The following CREBBP variants were observed in gnomAD, a reference collection of about 807,000 sequenced individuals.
CREBBP encodes the protein CREB binding lysine acetyltransferase.
In CREBBP, 19 loss-of-function variants were observed where a neutral mutation model predicts 265.0. The observed-to-expected ratio is 0.07, with a 90% CI of 0.05 to 0.11. The LOEUF (loss-of-function observed/expected upper bound fraction) is 0.11. Among genes scored for constraint, CREBBP ranks in the 10% least tolerant of loss-of-function variants. The pLI, the probability that CREBBP is intolerant of heterozygous loss-of-function variation, is 1.00. For synonymous variants in CREBBP, 1,457 were observed against 1,223.7 expected, an observed-to-expected ratio of 1.19 and a Z score of -3.98; for missense variants, 2,525 against 3,219.0, an observed-to-expected ratio of 0.78 and a Z score of 5.22.
chr16:3,810,572 G>A (rs928179865), intron 3 of CREBBP, 31 bp downstream of exon 3: 1 of 1,611,304 alleles, frequency 6.2e-7, no homozygotes, highest in Non-Finnish European at 8.5e-7. Context: ...CCACCGGAGA[G>A]CCATAACACT....
chr16:3,845,715 G>T (rs150845638), intron 2 of CREBBP, among the ~76,000 whole-genome samples: 1 of 151,544 alleles, frequency 6.6e-6, no homozygotes, highest in Non-Finnish European at 1.5e-5. Flanking sequence ...GCAAAACCCC[G>T]TCTCCACAAA....
chr16:3,746,558 T>C (rs773710956), intron 21 of CREBBP, among the ~76,000 whole-genome samples: 8 of 152,244 alleles, frequency 5.3e-5, no homozygotes, highest in East Asian at 3.9e-4. Context: ...ATTTCAAAGG[T>C]TGGGGCCAAG....
intron 2 of CREBBP, among the ~76,000 whole-genome samples, chr16:3,849,297 CCAGTTCCTACTCTAGAAGG>C (rs2054734220): frequency 6.6e-6 from 1 of 152,016 alleles, no homozygotes; most frequent in Admixed American, 6.6e-5. Context: ...TTCTCCAAGT[CCAGTTCCTACTCTAGAAGG>C]CAGCTGCAAG....
At position 3,880,122 on chromosome 16, in the gene CREBBP, G is replaced by A. The variant is rs2055499843; in HGVS notation, c.-206C>T. 2.2e-5 allele frequency: 4 copies of A among 181,458 alleles called. No individual in the cohort carries two copies. In the East Asian group the frequency reaches 4.1e-4, roughly 19 times the overall value. 11.2% of individuals were successfully genotyped at this position (181,458 alleles called of 1,614,324 possible). A position where few individuals can be genotyped will look rare whatever the true frequency, so the allele number is the denominator to read the frequency against. ...AGCCACAGCAACAGCGCCCCGCAGC[G>A]CTCACCGCCCGCCCCCGGCCGCCGC... On this transcript the variant is annotated 5_prime_UTR_variant, in exon 1 of 31. Coordinates refer to ENST00000262367, the MANE Select transcript of CREBBP (RefSeq NM_004380.3).
chr16:3,780,032 A>T (rs911082575), intron 8 of CREBBP, among the ~76,000 whole-genome samples: 17 of 152,106 alleles, frequency 1.1e-4, no homozygotes, highest in African/African-American at 4.1e-4. Context: ...ACTTGAGGTC[A>T]GGAGTTTGAG....
intron 1 of CREBBP, among the ~76,000 whole-genome samples, chr16:3,861,224 G>A (rs535676223): frequency 3.3e-5 from 5 of 152,234 alleles, no homozygotes; most frequent in South Asian, 2.1e-4. Flanking sequence ...AGCCGAGATC[G>A]CGCCATTGCA....
chr16:3,879,891 G>T lies in CREBBP; in HGVS notation c.26C>A (p.Pro9Gln). The T allele has an allele frequency of 6.2e-7, 1 of 1,612,636 alleles. No homozygotes were observed. Among genetic ancestry groups the T allele is most frequent in the Non-Finnish European group, 8.5e-7 (1 of 1,179,332 alleles). The change falls in exon 1 of 31, where the codon CCG becomes CAG. Residue 9 changes from proline (P) to glutamine (Q), a missense_variant. Coordinates refer to ENST00000262367, the MANE Select transcript of CREBBP (RefSeq NM_004380.3). MAENLLDGPPNPKRAKLSS... is the reference protein window; with the variant it reads MAENLLDGQPNPKRAKLSS... The stretch of plus-strand genomic sequence containing the variant: ...GAGTTTGGCTCTTTTGGGGTTGGGC[G>T]GTCCGTCCAGCAAGTTCTCAGCCAT...
intron 12 of CREBBP, 123 bp from the exon 13 acceptor site, chr16:3,774,053 C>T: frequency 9.4e-7 from 1 of 1,066,518 alleles, no homozygotes; most frequent in South Asian, 1.3e-5. Context: ...GGCTCACATC[C>T]TGCCCTTCCT....
chr16:3,777,151 C>T (rs1035069115), intron 11 of CREBBP, among the ~76,000 whole-genome samples: 8 of 151,828 alleles, frequency 5.3e-5, no homozygotes, highest in Non-Finnish European at 7.4e-5. Flanking sequence ...CTGGCTAACA[C>T]GGTGAAACCC....
intron 5 of CREBBP, among the ~76,000 whole-genome samples, chr16:3,790,124 A>G (rs909850682): frequency 2.0e-5 from 3 of 152,166 alleles, no homozygotes; most frequent in Admixed American, 2.0e-4. Context: ...AGAGCCTATT[A>G]CTGAAATGTG....
chr16:3,766,433 ATTTT>A (rs913901150), intron 16 of CREBBP, among the ~76,000 whole-genome samples: 57 of 152,274 alleles, frequency 3.7e-4, no homozygotes, highest in Admixed American at 5.2e-4. Flanking sequence ...ATTCTTACTT[ATTTT>A]TGTTTTGGAA....
At chr16:3,824,076 C>A (rs562545854) in intron 2 of CREBBP, among the ~76,000 whole-genome samples, 37 of 152,274 alleles carry the variant, frequency 2.4e-4, no homozygotes, top group Non-Finnish European at 4.6e-4. Flanking sequence ...CACGTTCTCC[C>A]AAGCCAAAGG....
In CREBBP at chr16:3,852,153, ATTTGTT is replaced by A. The variant is rs1269079703; in HGVS notation, c.86-1150_86-1145del. 7.6e-3 allele frequency among the ~76,000 whole-genome samples: 799 copies of A among 105,800 alleles called. 37 individuals are homozygous for A. Among genetic ancestry groups the A allele is most frequent in the African/African-American group, 0.01 (280 of 27,418 alleles). The allele number at this position is 105,800 out of a possible 152,430, so 69.4% of individuals were successfully genotyped here. A position where few individuals can be genotyped will look rare whatever the true frequency, so the allele number is the denominator to read the frequency against. On this transcript the variant is annotated intron_variant, in intron 1 of 30. Coordinates refer to ENST00000262367, the MANE Select transcript of CREBBP (RefSeq NM_004380.3). ...TTGAGGACAGTAAAGCCAATCTTAA[ATTTGTT>A]TTTTTTTTTTTTTTTTTTTTTTTGA...
At chr16:3,738,326 A>G (rs185065837) in intron 26 of CREBBP, among the ~76,000 whole-genome samples, 3 of 152,154 alleles carry the variant, frequency 2.0e-5, no homozygotes, top group African/African-American at 7.2e-5. Flanking sequence ...AAAAAAAAAA[A>G]AAAGGGAATG....
chr16:3,804,549 G>T (rs1201202309), intron 3 of CREBBP, among the ~76,000 whole-genome samples: 1 of 152,140 alleles, frequency 6.6e-6, no homozygotes, highest in South Asian at 2.1e-4. Flanking sequence ...TATTATATTC[G>T]CATTACTGCT....
At chr16:3,838,760 G>A (rs1281699587) in intron 2 of CREBBP, among the ~76,000 whole-genome samples, 1 of 152,070 alleles carries the variant, frequency 6.6e-6, no homozygotes, top group East Asian at 1.9e-4. Flanking sequence ...TGTTGCCCGG[G>A]CTGGTGTCAA....
At chr16:3,845,161 C>G (rs1302876768) in intron 2 of CREBBP, among the ~76,000 whole-genome samples, 1 of 152,200 alleles carries the variant, frequency 6.6e-6, no homozygotes, top group Admixed American at 6.5e-5. Flanking sequence ...AGGAACTACA[C>G]ACTATACGAA....
At chr16:3,831,256 C>A (rs561396045) in intron 2 of CREBBP, among the ~76,000 whole-genome samples, 14 of 152,278 alleles carry the variant, frequency 9.2e-5, no homozygotes, top group Non-Finnish European at 1.8e-4. Flanking sequence ...GCTAAACACA[C>A]TTCAGCATAA....
At chr16:3,761,594 C>T (rs1313574532) in intron 16 of CREBBP, 1 of 518,618 alleles carries the variant, frequency 1.9e-6, no homozygotes, top group Non-Finnish European at 3.9e-6. Flanking sequence ...TCCGCAGACA[C>T]CGCCTCCTCT....
Sources: allele counts gnomAD v4.1 joint callset (sites outside exome capture counted in the v4.1 genomes callset), GRCh38; gene constraint gnomAD v4.1.1; transcripts MANE v1.5; gene names NCBI Gene and HGNC (gene_info 2026-07-23, HGNC 2026-07-21).